The following PARD3 variants were observed in gnomAD, a reference collection of about 807,000 sequenced individuals.
PARD3 encodes the protein partitioning defective 3 homolog.
In PARD3, 75 loss-of-function variants were observed where a neutral mutation model predicts 155.4. That is an observed-to-expected ratio of 0.48 (90% CI 0.40 to 0.58). The LOEUF is 0.58. PARD3 is among the 20% of genes least tolerant of loss of function. The pLI, the probability that PARD3 is intolerant of heterozygous loss-of-function variation, is 0.00. For missense variants in PARD3, 1,642 were observed against 1,721.7 expected, an observed-to-expected ratio of 0.95 and a Z score of 0.82; for synonymous variants, 576 against 610.5, an observed-to-expected ratio of 0.94 and a Z score of 0.83.
chr10:34,298,804 T>C (rs1321789077), intron 20 of PARD3, among the ~76,000 whole-genome samples: 1 of 152,252 alleles, frequency 6.6e-6, no homozygotes. Context: ...TTAAGGATGG[T>C]TGAATAAAAA....
chr10:34,289,865 C>T (rs1027986310), intron 20 of PARD3, among the ~76,000 whole-genome samples: 2 of 152,164 alleles, frequency 1.3e-5, no homozygotes, highest in African/African-American at 4.8e-5. Flanking sequence ...TTACAGTCAA[C>T]AATGATGGAC....
intron 22 of PARD3, among the ~76,000 whole-genome samples, chr10:34,161,526 T>C (rs971911881): frequency 1.3e-5 from 2 of 152,080 alleles, no homozygotes; most frequent in Non-Finnish European, 2.9e-5. Context: ...TGGCCAAGAC[T>C]GGTGGAAATC....
chr10:34,337,145 C>A, intron 17 of PARD3, 130 bp downstream of exon 17: 1 of 564,472 alleles, frequency 1.8e-6, no homozygotes, highest in Non-Finnish European at 2.8e-6. Context: ...CTAATTTTTG[C>A]CAAATTGCCA....
At chr10:34,305,760 T>C (rs1293661176) in intron 20 of PARD3, among the ~76,000 whole-genome samples, 1 of 152,156 alleles carries the variant, frequency 6.6e-6, no homozygotes, top group African/African-American at 2.4e-5. Context: ...GGAGGATCAC[T>C]TGAGGCCAAG....
chr10:34,753,683 A>G (rs1246331176), intron 1 of PARD3, among the ~76,000 whole-genome samples: 2 of 152,226 alleles, frequency 1.3e-5, no homozygotes, highest in African/African-American at 2.4e-5. Flanking sequence ...AATTCTGGAC[A>G]TGCATATGTT....
At chr10:34,500,102 AC>A (rs1197775734) in intron 3 of PARD3, among the ~76,000 whole-genome samples, 1 of 152,216 alleles carries the variant, frequency 6.6e-6, no homozygotes, top group Admixed American at 6.5e-5. Flanking sequence ...AGGGCTGACT[AC>A]ATACTTGCTG....
intron 9 of PARD3, among the ~76,000 whole-genome samples, chr10:34,381,650 G>A (rs1334757498): frequency 1.3e-5 from 2 of 151,944 alleles, no homozygotes; most frequent in African/African-American, 2.4e-5. Flanking sequence ...AGAGAAGCAG[G>A]CCTGGACATG....
At chr10:34,585,043 T>C (rs547915576) in intron 2 of PARD3, among the ~76,000 whole-genome samples, 1 of 152,306 alleles carries the variant, frequency 6.6e-6, no homozygotes, top group East Asian at 1.9e-4. Context: ...ACCTCATTCA[T>C]GATCATCTGT....
chr10:34,341,298 A>G (rs917245767), intron 16 of PARD3, among the ~76,000 whole-genome samples: 4 of 152,180 alleles, frequency 2.6e-5, no homozygotes, highest in Admixed American at 2.6e-4. Context: ...GTTACCAAGA[A>G]TTTATTTAAT....
chr10:34,291,096 C>G (rs1956655092), intron 20 of PARD3, among the ~76,000 whole-genome samples: 1 of 152,210 alleles, frequency 6.6e-6, no homozygotes, highest in Non-Finnish European at 1.5e-5. Context: ...CTTCCCTCAA[C>G]CAATTACCCT....
chr10:34,239,706 G>A (rs531252212), intron 22 of PARD3, among the ~76,000 whole-genome samples: 3 of 151,110 alleles, frequency 2.0e-5, no homozygotes, highest in South Asian at 4.2e-4. Context: ...AGGAGACTGC[G>A]ACAAGAGAAT....
rs552691065 is a variant in PARD3 at position 34,143,717 on chromosome 10, G to A, written c.3420-12134C>T. Among the ~76,000 whole-genome samples, 29 of 152,196 alleles carry A rather than the reference G, an allele frequency of 1.9e-4. No individual in the cohort carries two copies. In the South Asian group the frequency reaches 3.3e-3, roughly 17 times the overall value. On this transcript the variant is annotated intron_variant, in intron 22 of 24. Coordinates refer to ENST00000374788, the MANE Select transcript of PARD3 (RefSeq NM_001184785.2). ...CAGAATATTAAATAATGTAACAAGA[G>A]ATATATCACCTGTAAGTTTCATAAG...
intron 23 of PARD3, among the ~76,000 whole-genome samples, chr10:34,120,989 T>C (rs1482843070): frequency 6.6e-6 from 1 of 151,648 alleles, no homozygotes; most frequent in Non-Finnish European, 1.5e-5. Context: ...GCCTAGGAGA[T>C]TGAGGCTGCA....
At chr10:34,768,166 T>A (rs1043716940) in intron 1 of PARD3, among the ~76,000 whole-genome samples, 4 of 152,142 alleles carry the variant, frequency 2.6e-5, no homozygotes, top group African/African-American at 9.7e-5. Flanking sequence ...CTGAGACAGA[T>A]CTCGGTCAAT....
intron 2 of PARD3, among the ~76,000 whole-genome samples, chr10:34,560,116 G>A (rs115044437): frequency 0.013 from 2,035 of 152,186 alleles, 42 homozygotes; most frequent in African/African-American, 0.047. Context: ...TTTGGCTTCC[G>A]AGGAAATAGA....
intron 22 of PARD3, among the ~76,000 whole-genome samples, chr10:34,218,550 T>A (rs1390612276): frequency 1.3e-5 from 2 of 152,120 alleles, no homozygotes; most frequent in Non-Finnish European, 2.9e-5. Flanking sequence ...ACTTAGCAAA[T>A]CACTGGTAAA....
chr10:34,749,839 G>A (rs889322272), intron 1 of PARD3, among the ~76,000 whole-genome samples: 1 of 152,056 alleles, frequency 6.6e-6, no homozygotes, highest in African/African-American at 2.4e-5. Context: ...TGCGCAACAT[G>A]GTGAAACCCC....
At chr10:34,618,158 T>C (rs1366213602) in intron 2 of PARD3, among the ~76,000 whole-genome samples, 2 of 152,228 alleles carry the variant, frequency 1.3e-5, no homozygotes, top group Non-Finnish European at 2.9e-5. Context: ...CTAATCTGTA[T>C]TTAAATTTTT....
At chr10:34,514,544 T>C (rs987608954) in intron 3 of PARD3, among the ~76,000 whole-genome samples, 2 of 152,176 alleles carry the variant, frequency 1.3e-5, no homozygotes, top group African/African-American at 4.8e-5. Context: ...CTGTGTATAG[T>C]AGATGCTTAA....
Sources: gnomAD v4.1 joint callset for allele counts (sites outside exome capture counted in the v4.1 genomes callset) on GRCh38, gnomAD v4.1.1 for gene constraint, MANE v1.5 for transcripts, NCBI Gene and HGNC (gene_info 2026-07-23, HGNC 2026-07-21) for gene names.